VPS13B: variants seen among roughly 807,000 people sequenced by gnomAD.
The protein encoded by VPS13B is intermembrane lipid transfer protein VPS13B.
Under a neutral mutation model 426.4 loss-of-function variants are expected in VPS13B, and 285 were observed. The ratio of observed to expected loss-of-function variants is 0.67; its 90% confidence interval spans 0.61 to 0.74. The LOEUF (loss-of-function observed/expected upper bound fraction) is 0.74, where lower values mean the gene tolerates loss of function less well. Ranked by LOEUF, VPS13B falls within the 30% of genes least tolerant of loss-of-function variation. The pLI, the probability that VPS13B is intolerant of heterozygous loss-of-function variation, is 0.00. For missense variants in VPS13B, 4,537 were observed against 4,782.6 expected (o/e 0.95, Z 1.51); for synonymous variants, 1,676 against 1,676.4 (o/e 1.00, Z 0.01).
At position 99,871,618 on chromosome 8, in the gene VPS13B, T is replaced by C. The variant is rs778142738; in HGVS notation, c.11666T>C (p.Ile3889Thr). 1.9e-6 allele frequency: 3 copies of C among 1,614,092 alleles called. No individual in the cohort carries two copies. The highest frequency in any genetic ancestry group is 4.5e-5 in the East Asian group (2 of 44,848). ...CAGCAGGCCTTCCCCGTCACAGAAA[T>C]CGACTGTGCACAGGACAGCAAGCAG... ...TQQQAFPVTEIDCAQDSKQNN... is the reference protein window; with the variant it reads ...TQQQAFPVTETDCAQDSKQNN... The change falls in exon 61 of 62, where the codon ATC becomes ACC. Residue 3889 changes from isoleucine (I) to threonine (T), a missense_variant. Physicochemically the swap from Ile to Thr is moderately conservative, Grantham distance 89 (BLOSUM62 -1). Coordinates refer to ENST00000357162, the MANE Select transcript of VPS13B (RefSeq NM_152564.5).
In VPS13B at chr8:99,832,400, GCATTTGCC is replaced by G; in HGVS notation, c.9365_9372del (p.Ile3122ArgfsTer20). The G allele has an allele frequency of 7.4e-7, 1 of 1,354,156 alleles. No homozygotes were observed. The highest frequency in any genetic ancestry group is 3.6e-5 in the East Asian group (1 of 27,678). The allele number at this position is 1,354,156 out of a possible 1,614,324, so 83.9% of individuals were successfully genotyped here. On this transcript the variant is annotated frameshift_variant, in exon 52 of 62. Transcript: ENST00000357162. LOFTEE classifies it high-confidence loss of function. ...CGTGTTCCAGACAGTGCTACTTTTA[GCATTTGCC>G]CAGGTGGAGAGCAGCCTGCTATGAA...
At chr8:99,486,746 C>G (rs1820328866) in intron 25 of VPS13B, among the ~76,000 whole-genome samples, 1 of 152,208 alleles carries the variant, frequency 6.6e-6, no homozygotes, top group Non-Finnish European at 1.5e-5. Flanking sequence ...CCCCTCGACC[C>G]TTATCTGAGT....
intron 8 of VPS13B, among the ~76,000 whole-genome samples, chr8:99,123,408 A>AAAGAT (rs1848046257): frequency 6.6e-6 from 1 of 152,154 alleles, no homozygotes; most frequent in Admixed American, 6.5e-5. Context: ...ATGTGGTATG[A>AAAGAT]AAGATAAGAG....
At chr8:99,373,559 G>A (rs1813310259) in intron 19 of VPS13B, among the ~76,000 whole-genome samples, 1 of 152,162 alleles carries the variant, frequency 6.6e-6, no homozygotes, top group Non-Finnish European at 1.5e-5. Flanking sequence ...GAGATAAAAT[G>A]TTAACTTAGG....
intron 33 of VPS13B, among the ~76,000 whole-genome samples, chr8:99,617,665 A>G (rs1217964209): frequency 2.0e-5 from 3 of 152,110 alleles, no homozygotes; most frequent in Non-Finnish European, 4.4e-5. Context: ...TTTTGTTTTA[A>G]CACATAACTT....
intron 20 of VPS13B, among the ~76,000 whole-genome samples, chr8:99,388,585 C>G (rs78898670): frequency 0.01 from 1,531 of 152,202 alleles, 15 homozygotes; most frequent in Non-Finnish European, 0.013. Flanking sequence ...AGAATATACA[C>G]AGGGTAATAG....
intron 17 of VPS13B, among the ~76,000 whole-genome samples, chr8:99,246,755 A>G (rs754514700): frequency 5.3e-5 from 8 of 151,628 alleles, no homozygotes; most frequent in Non-Finnish European, 8.8e-5. Flanking sequence ...AATCCTAGCT[A>G]CTCAGGAAGC....
At chr8:99,424,795 A>T (rs1816596494) in intron 21 of VPS13B, among the ~76,000 whole-genome samples, 1 of 152,178 alleles carries the variant, frequency 6.6e-6, no homozygotes, top group Non-Finnish European at 1.5e-5. Context: ...TTTTGAAAAG[A>T]TCAACAAAAT....
At chr8:99,483,654 G>A (rs1820157544) in intron 25 of VPS13B, among the ~76,000 whole-genome samples, 1 of 152,154 alleles carries the variant, frequency 6.6e-6, no homozygotes, top group South Asian at 2.1e-4. Flanking sequence ...GTGGCTGAAA[G>A]GAGAGTGTTC....
intron 35 of VPS13B, chr8:99,696,656 C>T (rs1832017458): frequency 1.4e-6 from 1 of 716,454 alleles, no homozygotes. Context: ...TCCTCCAGGA[C>T]ACCATCGAGG....
At chr8:99,037,635 T>A (rs1364064967) in intron 2 of VPS13B, among the ~76,000 whole-genome samples, 2 of 152,160 alleles carry the variant, frequency 1.3e-5, no homozygotes, top group East Asian at 3.8e-4. Context: ...AAAAATGTGA[T>A]AGAAATACAT....
At chr8:99,868,746 T>A (rs1368885690) in intron 59 of VPS13B, among the ~76,000 whole-genome samples, 3 of 152,188 alleles carry the variant, frequency 2.0e-5, no homozygotes, top group African/African-American at 7.2e-5. Flanking sequence ...GAGGGCAGAA[T>A]GGAGAATACA....
intron 36 of VPS13B, among the ~76,000 whole-genome samples, chr8:99,712,975 G>A (rs1214105982): frequency 1.3e-5 from 2 of 152,006 alleles, no homozygotes; most frequent in African/African-American, 4.8e-5. Context: ...CTTTGCAAGT[G>A]ATATGCATCA....
chr8:99,062,610 A>G (rs4236854), intron 3 of VPS13B, among the ~76,000 whole-genome samples: 128,149 of 151,680 alleles, frequency 0.84, 54,836 homozygotes, highest in African/African-American at 0.94. Context: ...CTGGGATTAC[A>G]GGCATGCGCC....
At chr8:99,474,183 A>ATTTTTTTTTTTTTTTTTTTTTTTTT (rs34752686) in intron 24 of VPS13B, among the ~76,000 whole-genome samples, 6 of 124,962 alleles carry the variant, frequency 4.8e-5, no homozygotes, top group African/African-American at 1.6e-4. Flanking sequence ...CTGTTATCCA[A>ATTTTTTTTTTTTTTTTTTTTTTTTT]TTTTTTTTTT....
intron 17 of VPS13B, among the ~76,000 whole-genome samples, chr8:99,267,703 G>A (rs1197440043): frequency 6.6e-6 from 1 of 151,194 alleles, no homozygotes; most frequent in Non-Finnish European, 1.5e-5. Context: ...CTCCAGCCTG[G>A]CGACAGAGTG....
intron 3 of VPS13B, among the ~76,000 whole-genome samples, chr8:99,059,104 G>T (rs970690282): frequency 6.6e-6 from 1 of 152,146 alleles, no homozygotes; most frequent in Non-Finnish European, 1.5e-5. Context: ...GGATATAGTA[G>T]TTAGTGATAC....
chr8:99,380,216 G>A lies in VPS13B; in HGVS notation c.2825-3992G>A, dbSNP rs188710978. ...TTGTTTGAAAACTGGATATCATATTGGGAAAGTCCTATTTATTTCTCTTAA... is the reference window on the plus strand; with the variant it reads ...TTGTTTGAAAACTGGATATCATATTAGGAAAGTCCTATTTATTTCTCTTAA... On this transcript the variant is annotated intron_variant, in intron 19 of 61. Coordinates refer to ENST00000357162, the MANE Select transcript of VPS13B (RefSeq NM_152564.5). 9.5e-4 allele frequency among the ~76,000 whole-genome samples: 144 copies of A among 152,148 alleles called. 1 individual carries two copies. Among genetic ancestry groups the A allele is most frequent in the African/African-American group, 3.4e-3 (141 of 41,530 alleles).
At chr8:99,171,064 A>G (rs1392178606) in intron 16 of VPS13B, among the ~76,000 whole-genome samples, 1 of 151,826 alleles carries the variant, frequency 6.6e-6, no homozygotes, top group African/African-American at 2.4e-5. Flanking sequence ...TATTTTCAAG[A>G]AACTTTGCCT....
Sources: gnomAD v4.1 joint callset for allele counts (sites outside exome capture counted in the v4.1 genomes callset) on GRCh38, gnomAD v4.1.1 for gene constraint, MANE v1.5 for transcripts, NCBI Gene and HGNC (gene_info 2026-07-23, HGNC 2026-07-21) for gene names.